The following C1QTNF9 variants were observed in gnomAD, a reference collection of about 807,000 sequenced individuals.
C1QTNF9 encodes C1q and TNF related 9.
Under a neutral mutation model 10.1 loss-of-function variants are expected in C1QTNF9, and 6 were observed. That is an observed-to-expected ratio of 0.59 (90% CI 0.32 to 1.17). The LOEUF is 1.17. C1QTNF9 is among the 50% of genes most tolerant of loss of function. C1QTNF9 has a pLI of 0.04. For missense variants in C1QTNF9, 201 were observed against 418.8 expected (o/e 0.48, Z 4.54); for synonymous variants, 98 against 163.5 (o/e 0.60, Z 3.06).
At chr13:24,320,863 T>C in intron 3 of C1QTNF9, 133 bp from the exon 4 acceptor site, 2 of 819,220 alleles carry the variant, frequency 2.4e-6, no homozygotes, top group Non-Finnish European at 1.9e-6. Context: ...AGTAATTGAA[T>C]TTTAAACTCT....
rs530135917 is a variant in C1QTNF9, at chr13:24,317,829, C to A, written c.167-989C>A. On this transcript the variant is annotated intron_variant, in intron 2 of 3. Transcript: ENST00000332018. ...AAAAAGAGGGAAGGAGAGGAAGACA[C>A]AGGGGAGCAGCCAGTGGAGGGGAGG... Among the ~76,000 whole-genome samples, 3 of 141,864 alleles carry A rather than the reference C, an allele frequency of 2.1e-5. No homozygotes were observed. The South Asian group carries it at 6.6e-4, about 31-fold the overall frequency. The allele number at this position is 141,864 out of a possible 152,430, so 93.1% of individuals were successfully genotyped here. A position where few individuals can be genotyped will look rare whatever the true frequency, so the allele number is the denominator to read the frequency against.
rs564733316 is a variant in C1QTNF9, at chr13:24,310,138, C to T, written c.-23+522C>T. Reference sequence around the variant, plus strand: ...TGAACTCCTGACCTTATGATCCAACCGCTTTGGCCTCCCAAAGTGCTGGGA... The same window carrying T: ...TGAACTCCTGACCTTATGATCCAACTGCTTTGGCCTCCCAAAGTGCTGGGA... On this transcript the variant is annotated intron_variant, in intron 1 of 3. Coordinates refer to ENST00000332018, the Ensembl canonical transcript of C1QTNF9. Among the ~76,000 whole-genome samples the T allele has an allele frequency of 1.1e-4, 16 of 151,936 alleles. No homozygotes were observed. In the East Asian group the frequency reaches 1.6e-3, roughly 15 times the overall value.
At chr13:24,310,039 A>G (rs1482141195) in intron 1 of C1QTNF9, among the ~76,000 whole-genome samples, 1 of 151,956 alleles carries the variant, frequency 6.6e-6, no homozygotes, top group African/African-American at 2.4e-5. Flanking sequence ...GATTACAGAC[A>G]TGGGCCACCA....
intron 1 of C1QTNF9, among the ~76,000 whole-genome samples, chr13:24,314,720 T>G (rs978988628): frequency 6.6e-5 from 10 of 152,084 alleles, no homozygotes; most frequent in Admixed American, 5.9e-4. Flanking sequence ...GGTGCATGCC[T>G]GTAGTCCCAG....
At chr13:24,314,204 A>G (rs895771964) in intron 1 of C1QTNF9, among the ~76,000 whole-genome samples, 8 of 152,114 alleles carry the variant, frequency 5.3e-5, no homozygotes, top group African/African-American at 1.9e-4. Flanking sequence ...CTGGGTTCTG[A>G]CCAGTTGCAC....
chr13:24,316,613 C>T (rs1053853756), intron 2 of C1QTNF9, among the ~76,000 whole-genome samples: 3 of 152,172 alleles, frequency 2.0e-5, no homozygotes, highest in South Asian at 2.1e-4. Context: ...GAGCTAATAC[C>T]GCATCATGCC....
At chr13:24,319,128 G>A (rs375828857) in intron 3 of C1QTNF9, among the ~76,000 whole-genome samples, 22 of 152,182 alleles carry the variant, frequency 1.4e-4, no homozygotes, top group East Asian at 7.7e-4. Flanking sequence ...AAAAGAAGCT[G>A]TAGATGCTCC....
In C1QTNF9 at chr13:24,313,316, T is replaced by G. The variant is rs192343400; in HGVS notation, c.-22-2666T>G. Among the ~76,000 whole-genome samples the G allele has an allele frequency of 1.5e-3, 235 of 152,334 alleles. 1 individual carries two copies. Among genetic ancestry groups the G allele is most frequent in the African/African-American group, 4.9e-3 (205 of 41,582 alleles). ...GTAACCATTTGCTTCCAGGCTGGCT[T>G]CTTCTTCCCTGGAGAGCAAATTGGA... On this transcript the variant is annotated intron_variant, in intron 1 of 3. Transcript: ENST00000332018.
Position 24,321,974 on chromosome 13 carries a change from A to C in C1QTNF9, c.*206A>C, listed in dbSNP as rs533936084. The C allele has an allele frequency of 3.9e-5, 23 of 589,284 alleles. No homozygotes were observed. In the South Asian group the frequency reaches 7.8e-4, roughly 20 times the overall value. 36.5% of individuals were successfully genotyped at this position (589,284 alleles called of 1,614,324 possible). A position where few individuals can be genotyped will look rare whatever the true frequency, so the allele number is the denominator to read the frequency against. ...TTAAAATAGCTGCATGGTTTATTCT[A>C]ATTTATTTCACATTTCTTATTCCTA... is the stretch of plus-strand genomic sequence containing the variant. On this transcript the variant is annotated 3_prime_UTR_variant, in exon 4 of 4. Transcript: ENST00000332018.
At chr13:24,319,661 C>T (rs912961803) in intron 3 of C1QTNF9, among the ~76,000 whole-genome samples, 21 of 152,274 alleles carry the variant, frequency 1.4e-4, no homozygotes, top group Non-Finnish European at 2.5e-4. Context: ...TTTGTTGAAC[C>T]TTGAACCTTG....
exon 4 of C1QTNF9, chr13:24,321,642 C>A: frequency 6.2e-7 from 1 of 1,614,190 alleles, no homozygotes; most frequent in Middle Eastern, 1.6e-4. Flanking sequence ...GCGGCATTGT[C>A]CTGCAGCTGA....
chr13:24,321,812 G>A, exon 4 of C1QTNF9: 1 of 1,510,228 alleles, frequency 6.6e-7, no homozygotes, highest in Non-Finnish European at 8.8e-7. Context: ...ATCAGAATCA[G>A]CTTGGGATGA....
At chr13:24,308,687 C>T (rs1877696501), upstream of C1QTNF9, among the ~76,000 whole-genome samples, 1 of 151,582 alleles carries the variant, frequency 6.6e-6, no homozygotes, top group Admixed American at 6.6e-5. Context: ...CGTGGCCTCG[C>T]CGCCGAGCTG....
intron 1 of C1QTNF9, 36 bp from the exon 2 acceptor site, chr13:24,315,946 A>G (rs768016489): frequency 9.9e-6 from 16 of 1,608,838 alleles, no homozygotes; most frequent in Non-Finnish European, 1.4e-5. Context: ...CCAGCAACAA[A>G]GATTTCTCCT....
chr13:24,320,631 C>T lies in C1QTNF9; in HGVS notation c.230-365C>T, dbSNP rs571752554. On this transcript the variant is annotated intron_variant, in intron 3 of 3. Transcript: ENST00000332018. ...AATTCCTGGACTCAAGTAGTCTGCC[C>T]ACCTTGGCCTCCCAAAGTGCTAGGA... is the stretch of plus-strand genomic sequence containing the variant. 7.2e-4 allele frequency among the ~76,000 whole-genome samples: 110 copies of T among 152,270 alleles called. 2 individuals carry two copies. The South Asian group carries it at 0.013, about 18-fold the overall frequency.
chr13:24,309,906 CT>C (rs1471871333), intron 1 of C1QTNF9, among the ~76,000 whole-genome samples: 2 of 151,976 alleles, frequency 1.3e-5, no homozygotes, highest in East Asian at 1.9e-4. Context: ...GGCTTTTTTT[CT>C]TTTTTTCAGA....
Position 24,321,733 on chromosome 13 carries a change from A to G in C1QTNF9, c.967A>G (p.Thr323Ala), listed in dbSNP as rs746422208. Reference sequence around the variant, plus strand: ...GTTTGCTGATGAGGACGATGACACAACTTTCACAGGGTTCCTTCTGTTCAG... The same window carrying G: ...GTTTGCTGATGAGGACGATGACACAGCTTTCACAGGGTTCCTTCTGTTCAG... The change falls in exon 4 of 4, where the codon ACT becomes GCT. Residue 323 changes from threonine (T) to alanine (A), a missense_variant. Thr to Ala is a moderately conservative substitution (Grantham distance 58). Transcript: ENST00000332018. The G allele has an allele frequency of 3.8e-6, 6 of 1,595,706 alleles. No homozygotes were observed. Among genetic ancestry groups the G allele is most frequent in the South Asian group, 2.3e-5 (2 of 88,636 alleles).
intron 2 of C1QTNF9, 108 bp from the exon 3 acceptor site, chr13:24,318,710 C>T (rs1292162920): frequency 5.7e-5 from 84 of 1,481,848 alleles, no homozygotes; most frequent in African/African-American, 3.5e-4. Flanking sequence ...CCCGTCAGGG[C>T]GGGGGTCACC....
rs754029536 is a variant in C1QTNF9 at position 24,321,453 on chromosome 13, C to G, written c.687C>G (p.Asn229Lys). The change falls in exon 4 of 4, where the codon AAC (asparagine) becomes AAG (lysine). Residue 229 changes from asparagine (N) to lysine (K), a missense_variant. By Grantham distance (94) the Asn-to-Lys change is moderately conservative. This residue lies in a region of C1QTNF9 where 62 missense variants were observed against 250.2 expected (regional missense o/e 0.25). Transcript: ENST00000332018. ...TTAAATTTGATAAGATCCTGTATAA[C>G]GAATTCAACCATTATGATACAGCAG... 1.9e-6 allele frequency: 3 copies of G among 1,613,304 alleles called. No homozygotes were observed. In the East Asian group the frequency reaches 6.7e-5, roughly 36 times the overall value.
Sources: gnomAD v4.1 joint callset for allele counts (sites outside exome capture counted in the v4.1 genomes callset) on GRCh38, gnomAD v4.1.1 for gene constraint, gnomAD v4.1.1 regional missense constraint, MANE v1.5 for transcripts, NCBI Gene and HGNC (gene_info 2026-07-23, HGNC 2026-07-21) for gene names.